The following ST3GAL4 variants were observed in gnomAD, a reference collection of about 807,000 sequenced individuals.
ST3GAL4 encodes the protein ST3 beta-galactoside alpha-2,3-sialyltransferase 4.
In ST3GAL4, 24 loss-of-function variants were observed where a neutral mutation model predicts 42.6. The observed-to-expected ratio is 0.56, with a 90% confidence interval of 0.41 to 0.79. The LOEUF (loss-of-function observed/expected upper bound fraction) is 0.79, where lower values mean the gene tolerates loss of function less well. ST3GAL4 is among the 30% of genes least tolerant of loss of function. ST3GAL4 has a pLI of 0.00. For missense variants in ST3GAL4, 311 were observed against 430.8 expected (o/e 0.72, Z 2.46); for synonymous variants, 135 against 163.2 (o/e 0.83, Z 1.32).
rs1179790389 is a variant in ST3GAL4, at chr11:126,373,776, T to TA, written c.-61+17935dup. The stretch of plus-strand genomic sequence containing the variant: ...ACCCTGAGGCAGTTAGCTGGTCAGT[T>TA]ACTCACTGTGCTCTCTGCCAACTCT... On this transcript the variant is annotated intron_variant, in intron 1 of 10. Transcript: ENST00000444328. This position sits in a 1 kb window ranked among gnomAD's most constrained non-coding sequence, Gnocchi z 5.5. 2.0e-5 allele frequency among the ~76,000 whole-genome samples: 3 copies of TA among 152,082 alleles called. No individual in the cohort carries two copies. The highest frequency in any genetic ancestry group is 4.4e-5 in the Non-Finnish European group (3 of 68,014).
rs190042254 is a variant in ST3GAL4, at chr11:126,362,482, T to G, written c.-61+6640T>G. ...TCCCAAAGTGTTGGGATTATAGGTG[T>G]GAACTACCGTGCTCCGCCTGGCCAA... On this transcript the variant is annotated intron_variant, in intron 1 of 10. Coordinates refer to ENST00000444328, the MANE Select transcript of ST3GAL4 (RefSeq NM_001254757.2). Among the ~76,000 whole-genome samples, 4 of 152,302 alleles carry G rather than the reference T, an allele frequency of 2.6e-5. No individual in the cohort carries two copies. In the East Asian group the frequency reaches 7.7e-4, roughly 29 times the overall value.
intron 1 of ST3GAL4, among the ~76,000 whole-genome samples, chr11:126,381,078 G>A (rs1340172448): frequency 6.6e-6 from 1 of 152,164 alleles, no homozygotes; most frequent in African/African-American, 2.4e-5. Context: ...TCCCCAACCC[G>A]GGCCTGTGGT....
Position 126,359,791 on chromosome 11 carries a change from C to T in ST3GAL4, c.-61+3949C>T, listed in dbSNP as rs1348587849. The stretch of plus-strand genomic sequence containing the variant: ...CGTGGGCCCTCCCAGCCTCCCCAGC[C>T]CCCACCTCTGCTGCTTTCCCTTGGC... On this transcript the variant is annotated intron_variant, in intron 1 of 10. Transcript: ENST00000444328. The surrounding 1 kb of genome is among the most constrained non-coding windows in gnomAD (Gnocchi z 4.8). 6.6e-6 allele frequency among the ~76,000 whole-genome samples: 1 copy of T among 150,952 alleles called. No individual in the cohort carries two copies. Among genetic ancestry groups the T allele is most frequent in the East Asian group, 1.9e-4 (1 of 5,190 alleles).
chr11:126,390,006 T>C (rs1418932402), intron 1 of ST3GAL4, among the ~76,000 whole-genome samples: 4 of 59,848 alleles, frequency 6.7e-5, no homozygotes, highest in African/African-American at 3.3e-4. Flanking sequence ...ACCCCGTCTC[T>C]GCTAAAAATA....
At chr11:126,367,471 C>G (rs1952475633) in intron 1 of ST3GAL4, among the ~76,000 whole-genome samples, 1 of 152,142 alleles carries the variant, frequency 6.6e-6, no homozygotes, top group Non-Finnish European at 1.5e-5. Context: ...TGGGGCAGAG[C>G]TTGAATGGAG....
At chr11:126,368,534 A>G (rs1483174978) in intron 1 of ST3GAL4, among the ~76,000 whole-genome samples, 1 of 152,142 alleles carries the variant, frequency 6.6e-6, no homozygotes, top group Non-Finnish European at 1.5e-5. Flanking sequence ...GGAAGGAGTG[A>G]TGTGACCTCC....
intron 6 of ST3GAL4, among the ~76,000 whole-genome samples, chr11:126,407,835 G>T (rs988381685): frequency 3.9e-5 from 6 of 151,914 alleles, no homozygotes; most frequent in African/African-American, 1.5e-4. Flanking sequence ...AGTGGGGCAG[G>T]CGTTTCTCAT....
intron 1 of ST3GAL4, among the ~76,000 whole-genome samples, chr11:126,394,009 T>G (rs1953623146): frequency 6.6e-6 from 1 of 152,254 alleles, no homozygotes. Flanking sequence ...CAGTGTGGAC[T>G]GGCCCCATTG....
intron 1 of ST3GAL4, among the ~76,000 whole-genome samples, chr11:126,403,640 C>T (rs1178424723): frequency 6.6e-6 from 1 of 152,136 alleles, no homozygotes; most frequent in East Asian, 1.9e-4. Context: ...CCTATGAATA[C>T]AAAGGAAGAT....
At position 126,376,173 on chromosome 11, in the gene ST3GAL4, G is replaced by T. The variant is rs1271749795; in HGVS notation, c.-61+20331G>T. Among the ~76,000 whole-genome samples the T allele has an allele frequency of 6.6e-6, 1 of 152,110 alleles. No homozygotes were observed. Among genetic ancestry groups the T allele is most frequent in the South Asian group, 2.1e-4 (1 of 4,832 alleles). On this transcript the variant is annotated intron_variant, in intron 1 of 10. Coordinates refer to ENST00000444328, the MANE Select transcript of ST3GAL4 (RefSeq NM_001254757.2). The surrounding 1 kb of genome is among the most constrained non-coding windows in gnomAD (Gnocchi z 5.1). ...AGCATATTCTATAGTAAGTTACTCC[G>T]ATTGGCTTTTGGTATTAAAATGTCT...
Position 126,395,469 on chromosome 11 carries a change from G to A in ST3GAL4, c.-60-10627G>A, listed in dbSNP as rs566665718. 5.9e-5 allele frequency among the ~76,000 whole-genome samples: 9 copies of A among 152,272 alleles called. No homozygotes were observed. The South Asian group carries it at 8.3e-4, about 14-fold the overall frequency. ...CGCAAAGGCCCAGAGGAGGGAGCAT[G>A]CCTAGCTAGCCCCCTAGACCTGGTG... is the stretch of plus-strand genomic sequence containing the variant. On this transcript the variant is annotated intron_variant, in intron 1 of 10. Coordinates refer to ENST00000444328, the MANE Select transcript of ST3GAL4 (RefSeq NM_001254757.2).
At position 126,386,986 on chromosome 11, in the gene ST3GAL4, T is replaced by C. The variant is rs1480022834; in HGVS notation, c.-60-19110T>C. On this transcript the variant is annotated intron_variant, in intron 1 of 10. Coordinates refer to ENST00000444328, the MANE Select transcript of ST3GAL4 (RefSeq NM_001254757.2). This position sits in a 1 kb window ranked among gnomAD's most constrained non-coding sequence, Gnocchi z 4.7. ...AGGGCTGGAGCCCAGCCTCACTTGC[T>C]GCCCTGGCCAGGCCGTGATTGCCCA... Among the ~76,000 whole-genome samples, 15 of 152,246 alleles carry C rather than the reference T, an allele frequency of 9.9e-5. No individual in the cohort carries two copies. The highest frequency in any genetic ancestry group is 4.2e-4 in the South Asian group (2 of 4,818).
At position 126,384,176 on chromosome 11, in the gene ST3GAL4, T is replaced by A. The variant is rs942030366; in HGVS notation, c.-60-21920T>A. Reference sequence around the variant, plus strand: ...CTGCACAGTTCCAGAAACTTGTTCATCAAGTGCCAGGCTGACCATGGTGTC... The same window carrying A: ...CTGCACAGTTCCAGAAACTTGTTCAACAAGTGCCAGGCTGACCATGGTGTC... On this transcript the variant is annotated intron_variant, in intron 1 of 10. Transcript: ENST00000444328. The surrounding 1 kb of genome is among the most constrained non-coding windows in gnomAD (Gnocchi z 5.5). Among the ~76,000 whole-genome samples, 21 of 152,324 alleles carry A rather than the reference T, an allele frequency of 1.4e-4. No homozygotes were observed. The highest frequency in any genetic ancestry group is 5.1e-4 in the African/African-American group (21 of 41,574).
chr11:126,360,134 C>G (rs1952197355), intron 1 of ST3GAL4, among the ~76,000 whole-genome samples: 1 of 152,240 alleles, frequency 6.6e-6, no homozygotes, highest in African/African-American at 2.4e-5. Context: ...ACCGGCAGCC[C>G]TCCCTGTCTC....
At chr11:126,360,104 T>G (rs544535304) in intron 1 of ST3GAL4, among the ~76,000 whole-genome samples, 1 of 152,364 alleles carries the variant, frequency 6.6e-6, no homozygotes, top group Admixed American at 6.5e-5. Flanking sequence ...TGAGCTGTTT[T>G]GCCCACAGAC....
intron 9 of ST3GAL4, among the ~76,000 whole-genome samples, chr11:126,413,142 T>C (rs1434772411): frequency 6.6e-6 from 1 of 152,130 alleles, no homozygotes; most frequent in Non-Finnish European, 1.5e-5. Flanking sequence ...TTGCCCAGGC[T>C]GGAGTGCAGC....
In ST3GAL4 at chr11:126,383,191, C is replaced by T. The variant is rs1001818025; in HGVS notation, c.-60-22905C>T. On this transcript the variant is annotated intron_variant, in intron 1 of 10. Coordinates refer to ENST00000444328, the MANE Select transcript of ST3GAL4 (RefSeq NM_001254757.2). The surrounding 1 kb of genome is among the most constrained non-coding windows in gnomAD (Gnocchi z 4.5). ...GGGCTCATAGGCGTGGCTGGGTCTC[C>T]TCTCAGGTGCCAGAATCTTTCTGGG... Among the ~76,000 whole-genome samples the T allele has an allele frequency of 1.3e-5, 2 of 152,228 alleles. No individual in the cohort carries two copies. Among genetic ancestry groups the T allele is most frequent in the African/African-American group, 4.8e-5 (2 of 41,462 alleles).
At chr11:126,382,001 C>T (rs1953023494) in intron 1 of ST3GAL4, among the ~76,000 whole-genome samples, 1 of 152,118 alleles carries the variant, frequency 6.6e-6, no homozygotes, top group Non-Finnish European at 1.5e-5. Flanking sequence ...AGGGATGCAG[C>T]TCTGGCCTTG....
At chr11:126,388,660 G>GTTTTTTTTTTTTTT (rs10599019) in intron 1 of ST3GAL4, among the ~76,000 whole-genome samples, 2 of 79,288 alleles carry the variant, frequency 2.5e-5, no homozygotes, top group Non-Finnish European at 4.8e-5. Flanking sequence ...TAGGTTTCTT[G>GTTTTTTTTTTTTTT]TTTTTTTTTT....
Sources: gnomAD v4.1 joint callset for allele counts (sites outside exome capture counted in the v4.1 genomes callset) on GRCh38, gnomAD v4.1.1 for gene constraint, Gnocchi (gnomAD v3.1) non-coding constraint, MANE v1.5 for transcripts, NCBI Gene and HGNC (gene_info 2026-07-23, HGNC 2026-07-21) for gene names.